The following HIP1 variants were observed in gnomAD, a reference collection of about 807,000 sequenced individuals.
The protein encoded by HIP1 is huntingtin interacting protein 1.
A neutral mutation model predicts 147.6 loss-of-function variants in HIP1; 65 were observed. The ratio of observed to expected loss-of-function variants is 0.44; its 90% confidence interval spans 0.36 to 0.54. The LOEUF (loss-of-function observed/expected upper bound fraction) is 0.54. Ranked by LOEUF, HIP1 falls within the 20% of genes least tolerant of loss-of-function variation. HIP1 has a pLI of 0.00. For missense variants in HIP1, 1,061 were observed against 1,299.6 expected (o/e 0.82, Z 2.82); for synonymous variants, 479 against 504.0 (o/e 0.95, Z 0.67).
intron 1 of HIP1, chr7:75,733,950 CA>C (rs1172357376): frequency 3.3e-5 from 5 of 153,354 alleles, no homozygotes; most frequent in Non-Finnish European, 4.3e-5. Context: ...CCCATCTCTA[CA>C]AAAAAAATTC....
intron 5 of HIP1, among the ~76,000 whole-genome samples, chr7:75,585,286 G>A (rs1554499341): frequency 1.3e-5 from 2 of 151,532 alleles, no homozygotes. Context: ...CCAGGTTCAA[G>A]CGATTCTCCT....
intron 1 of HIP1, among the ~76,000 whole-genome samples, chr7:75,622,689 G>A (rs1797883217): frequency 6.6e-6 from 1 of 152,058 alleles, no homozygotes; most frequent in Admixed American, 6.6e-5. Context: ...ATGAAGAAAT[G>A]CATTTTGACC....
At chr7:75,628,992 G>C (rs1563255603) in intron 1 of HIP1, among the ~76,000 whole-genome samples, 2 of 152,186 alleles carry the variant, frequency 1.3e-5, no homozygotes, top group Non-Finnish European at 2.9e-5. Context: ...TCTTGAGCTA[G>C]GGGGAGTAGG....
chr7:75,669,087 C>T (rs1185065736), intron 1 of HIP1, among the ~76,000 whole-genome samples: 6 of 150,082 alleles, frequency 4.0e-5, no homozygotes, highest in East Asian at 2.0e-4. Flanking sequence ...AAAAACAGGC[C>T]GGGTGTGGTG....
intron 1 of HIP1, among the ~76,000 whole-genome samples, chr7:75,715,416 G>C (rs1801283424): frequency 6.8e-6 from 1 of 147,496 alleles, no homozygotes; most frequent in Non-Finnish European, 1.5e-5. Flanking sequence ...AAGGAAGGAA[G>C]GAAAGACAGA....
chr7:75,647,849 A>T lies in HIP1; in HGVS notation c.121-48602T>A, dbSNP rs1244459467. ...TGCAGTGTGCTTGAAGAGGTGGGGC[A>T]GTGGGACTGAACACGAGTGGCAGTG... On this transcript the variant is annotated intron_variant, in intron 1 of 30. Coordinates refer to ENST00000336926, the MANE Select transcript of HIP1 (RefSeq NM_005338.7). Among the ~76,000 whole-genome samples the T allele has an allele frequency of 2.0e-5, 3 of 152,226 alleles. No individual in the cohort carries two copies. In the East Asian group the frequency reaches 5.8e-4, roughly 29 times the overall value.
intron 1 of HIP1, among the ~76,000 whole-genome samples, chr7:75,629,512 C>G (rs771997662): frequency 6.6e-6 from 1 of 151,816 alleles, no homozygotes; most frequent in Admixed American, 6.6e-5. Context: ...ATTGTGCATC[C>G]TGTATTTCCT....
chr7:75,572,055 C>A (rs1292311557), intron 8 of HIP1, among the ~76,000 whole-genome samples: 1 of 151,996 alleles, frequency 6.6e-6, no homozygotes, highest in African/African-American at 2.4e-5. Context: ...ACTAAAAATT[C>A]AAACAACAAC....
At chr7:75,573,051 G>T (rs868911708) in intron 8 of HIP1, among the ~76,000 whole-genome samples, 1 of 152,218 alleles carries the variant, frequency 6.6e-6, no homozygotes, top group East Asian at 1.9e-4. Flanking sequence ...GCGGGTCCCC[G>T]GTGGGGGCCG....
Position 75,671,524 on chromosome 7 carries a change from T to C in HIP1, c.120+67277A>G, listed in dbSNP as rs528028599. Among the ~76,000 whole-genome samples the C allele has an allele frequency of 1.1e-4, 16 of 152,306 alleles. No individual in the cohort carries two copies. In the South Asian group the frequency reaches 3.3e-3, roughly 32 times the overall value. ...ATTGTGAATAATGCTGCTATGAACG[T>C]GGATGTACAAATATCTCTTCAAGGC... is the stretch of plus-strand genomic sequence containing the variant. On this transcript the variant is annotated intron_variant, in intron 1 of 30. Coordinates refer to ENST00000336926, the MANE Select transcript of HIP1 (RefSeq NM_005338.7).
At chr7:75,714,862 C>T (rs1043596121) in intron 1 of HIP1, among the ~76,000 whole-genome samples, 32 of 152,260 alleles carry the variant, frequency 2.1e-4, no homozygotes, top group Middle Eastern at 3.4e-3. Context: ...CCAGTGTTTC[C>T]ACTACTGTTT....
chr7:75,536,179 A>C lies in HIP1; in HGVS notation c.*1993T>G, dbSNP rs1376972811. On this transcript the variant is annotated 3_prime_UTR_variant, in exon 31 of 31. Transcript: ENST00000336926. ...CATTCCTTCTGAGCCTTGAATCAAA[A>C]AAATACTAAGCAGAAAGCAGCATTC... 4.9e-6 allele frequency: 1 copy of C among 205,498 alleles called. No individual in the cohort carries two copies. The highest frequency in any genetic ancestry group is 9.9e-6 in the Non-Finnish European group (1 of 100,612). 12.7% of individuals were successfully genotyped at this position (205,498 alleles called of 1,614,324 possible). A position where few individuals can be genotyped will look rare whatever the true frequency, so the allele number is the denominator to read the frequency against.
At chr7:75,600,417 T>A (rs1584862174) in intron 1 of HIP1, among the ~76,000 whole-genome samples, 1 of 152,264 alleles carries the variant, frequency 6.6e-6, no homozygotes, top group African/African-American at 2.4e-5. Flanking sequence ...GGCCAAATCA[T>A]AACTCTTTTT....
At chr7:75,599,315 CT>C in intron 1 of HIP1, 68 bp from the exon 2 acceptor site, 1 of 1,226,864 alleles carries the variant, frequency 8.2e-7, no homozygotes. Flanking sequence ...GGCTGAGACC[CT>C]CCCAGATGCC....
intron 4 of HIP1, among the ~76,000 whole-genome samples, chr7:75,591,360 C>A (rs138630710): frequency 3.3e-5 from 5 of 152,080 alleles, no homozygotes; most frequent in African/African-American, 1.2e-4. Context: ...ATGCAGATTA[C>A]CCCTCTCCAT....
intron 28 of HIP1, among the ~76,000 whole-genome samples, 179 bp downstream of exon 28, chr7:75,542,672 C>T (rs940817576): frequency 2.0e-5 from 3 of 152,008 alleles, no homozygotes; most frequent in African/African-American, 7.3e-5. Flanking sequence ...GCACTCCAGC[C>T]TGGGCGACAG....
chr7:75,719,147 G>A (rs926763895), intron 1 of HIP1, among the ~76,000 whole-genome samples: 1 of 151,960 alleles, frequency 6.6e-6, no homozygotes, highest in Non-Finnish European at 1.5e-5. Context: ...GAGAGATCCT[G>A]TCTCTATTTA....
chr7:75,556,941 A>C, intron 16 of HIP1, 130 bp from the exon 17 acceptor site: 1 of 578,366 alleles, frequency 1.7e-6, no homozygotes, highest in Non-Finnish European at 3.1e-6. Flanking sequence ...CACCCCCCCA[A>C]AAAAGTGCAG....
chr7:75,538,335 T>G, intron 30 of HIP1, 111 bp from the exon 31 acceptor site: 3 of 836,612 alleles, frequency 3.6e-6, no homozygotes, highest in Non-Finnish European at 6.3e-6. Context: ...ATTATAACCA[T>G]GGTGTAATCA....
Sources: gnomAD v4.1 joint callset for allele counts (sites outside exome capture counted in the v4.1 genomes callset) on GRCh38, gnomAD v4.1.1 for gene constraint, MANE v1.5 for transcripts, NCBI Gene and HGNC (gene_info 2026-07-23, HGNC 2026-07-21) for gene names.